UBR7: variants seen among roughly 807,000 people sequenced by gnomAD.
UBR7 encodes the protein putative E3 ubiquitin-protein ligase UBR7.
UBR7 carries 22 observed loss-of-function variants against 57.0 expected under a neutral mutation model. That is an observed-to-expected ratio of 0.39 (90% CI 0.28 to 0.55). UBR7 has a LOEUF of 0.55. Ranked by LOEUF, UBR7 falls within the 20% of genes least tolerant of loss-of-function variation. The pLI, the probability that UBR7 is intolerant of heterozygous loss-of-function variation, is 0.69. For synonymous variants in UBR7, 167 were observed against 179.8 expected (o/e 0.93, Z 0.57); for missense variants, 395 against 513.2 (o/e 0.77, Z 2.23).
At chr14:93,223,779 G>T in intron 10 of UBR7, 1 of 737,894 alleles carries the variant, frequency 1.4e-6, no homozygotes, top group Non-Finnish European at 2.4e-6. Flanking sequence ...GGGCCCAGGT[G>T]CGGTGCCAGG....
At chr14:93,224,205 T>G (rs1001883359) in intron 10 of UBR7, 1 of 534,012 alleles carries the variant, frequency 1.9e-6, no homozygotes, top group Non-Finnish European at 3.3e-6. Context: ...GTCATAGATG[T>G]GGGAAGAACA....
chr14:93,207,464 C>T (rs1360016471), intron 1 of UBR7, 23 bp downstream of exon 1: 3 of 1,533,058 alleles, frequency 2.0e-6, no homozygotes, highest in African/African-American at 1.4e-5. Flanking sequence ...CCCGGGCCTC[C>T]TCTCCCCCGG....
At chr14:93,215,934 T>C (rs994397187) in intron 6 of UBR7, among the ~76,000 whole-genome samples, 1 of 152,118 alleles carries the variant, frequency 6.6e-6, no homozygotes, top group Non-Finnish European at 1.5e-5. Context: ...TTAGTCTGTC[T>C]GGGGTGCTAA....
chr14:93,224,028 C>G (rs1038535575), intron 10 of UBR7: 6 of 915,524 alleles, frequency 6.6e-6, no homozygotes, highest in Non-Finnish European at 8.8e-6. Flanking sequence ...TTGGCGACAA[C>G]GTGATTAGGC....
intron 10 of UBR7, among the ~76,000 whole-genome samples, chr14:93,226,717 C>T (rs967197891): frequency 1.3e-5 from 2 of 149,480 alleles, no homozygotes; most frequent in Non-Finnish European, 3.0e-5. Context: ...GGTGTTAACC[C>T]GGGAGGCAGA....
chr14:93,217,838 G>A (rs1051025266), intron 6 of UBR7, among the ~76,000 whole-genome samples: 22 of 152,172 alleles, frequency 1.4e-4, no homozygotes, highest in African/African-American at 4.3e-4. Flanking sequence ...GCTCATGCCT[G>A]TAATCCCAGC....
rs777062871 is a variant in UBR7, at chr14:93,214,918, T to C, written c.442-11T>C. ...CAATGTAATCCTTAACAAACTGCTT[T>C]TCTCTGTTAGATTCCAGATGAGATG... On this transcript the variant is annotated splice_polypyrimidine_tract_variant and intron_variant, in intron 4 of 10. Transcript: ENST00000013070. 3.0e-5 allele frequency: 48 copies of C among 1,613,126 alleles called. No individual in the cohort carries two copies. The highest frequency in any genetic ancestry group is 3.9e-5 in the Non-Finnish European group (46 of 1,179,276).
Position 93,227,455 on chromosome 14 carries a change from A to C in UBR7, c.*420A>C, listed in dbSNP as rs1276748610. 3 of 686,564 alleles carry C rather than the reference A, an allele frequency of 4.4e-6. No homozygotes were observed. The East Asian group carries it at 8.3e-5, about 19-fold the overall frequency. The allele number at this position is 686,564 out of a possible 1,614,324, so 42.5% of individuals were successfully genotyped here. On this transcript the variant is annotated 3_prime_UTR_variant, in exon 11 of 11. Transcript: ENST00000013070. Reference sequence around the variant, plus strand: ...GGAAGGCTCTCTTCCCGTCACCTAGAACCTCTACAGGTCCCCTCGCCCCTA... The same window carrying C: ...GGAAGGCTCTCTTCCCGTCACCTAGCACCTCTACAGGTCCCCTCGCCCCTA...
chr14:93,210,620 T>C, intron 2 of UBR7, 28 bp from the exon 3 acceptor site: 1 of 1,563,416 alleles, frequency 6.4e-7, no homozygotes, highest in Non-Finnish European at 8.7e-7. Flanking sequence ...AAAAGAAAAA[T>C]AAAATTGTTA....
At chr14:93,210,815 A>T (rs1894467143) in intron 3 of UBR7, 107 bp downstream of exon 3, 4 of 949,916 alleles carry the variant, frequency 4.2e-6, no homozygotes, top group Admixed American at 2.5e-5. Flanking sequence ...AGAAGTTCTT[A>T]TGCTTATTCT....
At chr14:93,226,661 C>T (rs902949385) in intron 10 of UBR7, among the ~76,000 whole-genome samples, 7 of 151,984 alleles carry the variant, frequency 4.6e-5, no homozygotes, top group East Asian at 3.9e-4. Context: ...GGCTTGGTGG[C>T]GGGCGCCTGT....
rs1204697826 is a variant in UBR7 at position 93,229,201 on chromosome 14, A to C, written c.*2166A>C. 1 of 318,226 alleles carries C rather than the reference A, an allele frequency of 3.1e-6. No homozygotes were observed. The highest frequency in any genetic ancestry group is 4.5e-5 in the Admixed American group (1 of 22,016). The allele number at this position is 318,226 out of a possible 1,614,324, so 19.7% of individuals were successfully genotyped here. ...TCAGGTTTCTGTAAAATTTAAATAA[A>C]ACCAATACAAAATAGTTGCTTTTCA... On this transcript the variant is annotated 3_prime_UTR_variant, in exon 11 of 11. Coordinates refer to ENST00000013070, the MANE Select transcript of UBR7 (RefSeq NM_175748.4).
At chr14:93,213,124 C>T (rs922548767) in intron 4 of UBR7, among the ~76,000 whole-genome samples, 2 of 151,590 alleles carry the variant, frequency 1.3e-5, no homozygotes, top group Admixed American at 1.3e-4. Flanking sequence ...GGTGACAGAG[C>T]GAGACCCTGT....
rs747844438 is a variant in UBR7 at position 93,218,752 on chromosome 14, G to A, written c.810+17G>A. 11 of 1,608,644 alleles carry A rather than the reference G, an allele frequency of 6.8e-6. No individual in the cohort carries two copies. Among genetic ancestry groups the A allele is most frequent in the African/African-American group, 2.7e-5 (2 of 74,782 alleles). On this transcript the variant is annotated intron_variant, in intron 7 of 10. Transcript: ENST00000013070. ...GATCTCCAGGTAATGTGTGAAGTAC[G>A]AGCCATCAAGAAATAAGACTGGGCC... is the stretch of plus-strand genomic sequence containing the variant.
At chr14:93,208,776 A>G (rs935239522) in intron 1 of UBR7, among the ~76,000 whole-genome samples, 1 of 152,076 alleles carries the variant, frequency 6.6e-6, no homozygotes, top group Non-Finnish European at 1.5e-5. Context: ...GAGGAAGGTA[A>G]CTATACCTCT....
At chr14:93,208,401 G>C (rs1294303735) in intron 1 of UBR7, among the ~76,000 whole-genome samples, 1 of 150,618 alleles carries the variant, frequency 6.6e-6, no homozygotes. Context: ...CTGGTATCCA[G>C]ACATAGCCCC....
chr14:93,215,692 A>C (rs924908925), intron 6 of UBR7, among the ~76,000 whole-genome samples: 1 of 119,344 alleles, frequency 8.4e-6, no homozygotes, highest in Non-Finnish European at 1.8e-5. Context: ...CCATCCTCAA[A>C]AAAAAAAAAA....
rs1366206668 is a variant in UBR7, at chr14:93,227,863, T to C, written c.*828T>C. 2 of 700,780 alleles carry C rather than the reference T, an allele frequency of 2.9e-6. No individual in the cohort carries two copies. Among genetic ancestry groups the C allele is most frequent in the Admixed American group, 4.0e-5 (2 of 49,996 alleles). 43.4% of individuals were successfully genotyped at this position (700,780 alleles called of 1,614,324 possible). A position where few individuals can be genotyped will look rare whatever the true frequency, so the allele number is the denominator to read the frequency against. On this transcript the variant is annotated 3_prime_UTR_variant, in exon 11 of 11. Coordinates refer to ENST00000013070, the MANE Select transcript of UBR7 (RefSeq NM_175748.4). Reference sequence around the variant, plus strand: ...TAGAAAACAGACCGGGTCTCACCCCTGTGAAATCTTGGTGGTTTACGAAGT... The same window carrying C: ...TAGAAAACAGACCGGGTCTCACCCCCGTGAAATCTTGGTGGTTTACGAAGT...
intron 10 of UBR7, chr14:93,223,654 G>T: frequency 7.2e-7 from 1 of 1,387,344 alleles, no homozygotes; most frequent in Non-Finnish European, 1.0e-6. Context: ...TGACGGGCAG[G>T]ACCCGGTGGG....
Sources: allele counts gnomAD v4.1 joint callset (sites outside exome capture counted in the v4.1 genomes callset), GRCh38; gene constraint gnomAD v4.1.1; transcripts MANE v1.5; gene names NCBI Gene and HGNC (gene_info 2026-07-23, HGNC 2026-07-21).